Variants in PTPRO observed in about 807,000 individuals in gnomAD.
PTPRO encodes the protein receptor-type tyrosine-protein phosphatase O.
PTPRO carries 62 observed loss-of-function variants against 145.2 expected under a neutral mutation model. That is an observed-to-expected ratio of 0.43 (90% CI 0.35 to 0.53). The LOEUF (loss-of-function observed/expected upper bound fraction) is 0.53, where lower values mean the gene tolerates loss of function less well. PTPRO is among the 20% of genes least tolerant of loss of function. The pLI is 0.01. For missense variants in PTPRO, 1,345 were observed against 1,482.7 expected (o/e 0.91, Z 1.53); for synonymous variants, 565 against 514.7 (o/e 1.10, Z -1.32).
chr12:15,456,889 T>C (rs1488695292), intron 1 of PTPRO, among the ~76,000 whole-genome samples: 1 of 152,208 alleles, frequency 6.6e-6, no homozygotes. Flanking sequence ...AATATCTTGT[T>C]AATCTTATCT....
intron 19 of PTPRO, among the ~76,000 whole-genome samples, chr12:15,575,825 G>A (rs991024564): frequency 6.6e-6 from 1 of 152,180 alleles, no homozygotes; most frequent in Admixed American, 6.5e-5. Flanking sequence ...TTCAGCTTCT[G>A]TTGGCCACAG....
At chr12:15,379,004 C>T (rs2136271646) in intron 1 of PTPRO, among the ~76,000 whole-genome samples, 1 of 152,114 alleles carries the variant, frequency 6.6e-6, no homozygotes, top group East Asian at 1.9e-4. Context: ...CTGGGGACAG[C>T]TATGATAAAG....
At chr12:15,338,250 T>C (rs1179122312) in intron 1 of PTPRO, among the ~76,000 whole-genome samples, 1 of 152,218 alleles carries the variant, frequency 6.6e-6, no homozygotes, top group Admixed American at 6.5e-5. Context: ...TTTTAAAAAC[T>C]TTATTAGGTT....
At chr12:15,583,603 C>G (rs748751567) in intron 23 of PTPRO, among the ~76,000 whole-genome samples, 1 of 152,114 alleles carries the variant, frequency 6.6e-6, no homozygotes, top group Non-Finnish European at 1.5e-5. Flanking sequence ...TAGAACACAG[C>G]CTGCATTGTT....
chr12:15,358,166 A>G (rs1162795721), intron 1 of PTPRO, among the ~76,000 whole-genome samples: 1 of 144,446 alleles, frequency 6.9e-6, no homozygotes, highest in Non-Finnish European at 1.5e-5. Context: ...ATGTTCTCAT[A>G]GGTGGGAATT....
Position 15,596,504 on chromosome 12 carries a change from C to T in PTPRO, c.*431C>T, listed in dbSNP as rs989444869. The T allele has an allele frequency of 1.3e-5, 2 of 152,508 alleles. No homozygotes were observed. Among genetic ancestry groups the T allele is most frequent in the Non-Finnish European group, 2.9e-5 (2 of 68,020 alleles). The allele number at this position is 152,508 out of a possible 1,614,324, so 9.4% of individuals were successfully genotyped here. A position where few individuals can be genotyped will look rare whatever the true frequency, so the allele number is the denominator to read the frequency against. On this transcript the variant is annotated 3_prime_UTR_variant, in exon 27 of 27. Coordinates refer to ENST00000281171, the MANE Select transcript of PTPRO (RefSeq NM_030667.3). ...TACACCGTTCATCAGCCCCATAACC[C>T]AGGAAGGAACAGGCATTGTTAGCAT...
intron 1 of PTPRO, among the ~76,000 whole-genome samples, chr12:15,405,091 T>C (rs1334809069): frequency 6.6e-6 from 1 of 152,128 alleles, no homozygotes. Context: ...AAGCTCCACC[T>C]CCAAATATCA....
intron 12 of PTPRO, among the ~76,000 whole-genome samples, chr12:15,534,489 A>G (rs535238788): frequency 9.8e-5 from 15 of 152,292 alleles, no homozygotes; most frequent in African/African-American, 3.1e-4. Flanking sequence ...CTTTCTGTTC[A>G]CAAGGAGCTT....
chr12:15,516,021 C>T (rs573800060), intron 8 of PTPRO, among the ~76,000 whole-genome samples: 9 of 119,954 alleles, frequency 7.5e-5, no homozygotes, highest in East Asian at 2.7e-4. Flanking sequence ...GACAGAGTCT[C>T]GCTCTGTCAC....
At chr12:15,587,173 T>A in intron 24 of PTPRO, 122 bp downstream of exon 24, 1 of 1,099,968 alleles carries the variant, frequency 9.1e-7, no homozygotes, top group South Asian at 1.4e-5. Context: ...TGATGTTTTT[T>A]AAACTATGAT....
intron 19 of PTPRO, among the ~76,000 whole-genome samples, chr12:15,576,938 A>G (rs1944199082): frequency 6.6e-6 from 1 of 152,230 alleles, no homozygotes; most frequent in Non-Finnish European, 1.5e-5. Context: ...AGCATCATTT[A>G]AATAAACTTA....
intron 8 of PTPRO, among the ~76,000 whole-genome samples, chr12:15,516,345 AAAAAG>A (rs1251160777): frequency 2.1e-4 from 31 of 150,284 alleles, no homozygotes; most frequent in Non-Finnish European, 4.0e-4. Flanking sequence ...TCAAAAAAAA[AAAAAG>A]AAAAGAAAGA....
chr12:15,549,103 G>T lies in PTPRO; in HGVS notation c.2314G>T (p.Ala772Ser). 2 of 1,613,402 alleles carry T rather than the reference G, an allele frequency of 1.2e-6. No individual in the cohort carries two copies. The highest frequency in any genetic ancestry group is 2.2e-5 in the South Asian group (2 of 91,034). Residue 772 changes from alanine (A) to serine (S), a missense_variant, in exon 14 of 27, where the codon GCT (alanine) becomes TCT (serine). By Grantham distance (99) the Ala-to-Ser change is moderately conservative (BLOSUM62 1). Around this residue, in one of 3 missense-constraint regions of PTPRO, gnomAD observed 1,130 missense variants for 1,214.7 expected, o/e 0.93. Coordinates refer to ENST00000281171, the MANE Select transcript of PTPRO (RefSeq NM_030667.3). ...SQKTKLQEPV[A>S]VSSHVVTISS... The stretch of plus-strand genomic sequence containing the variant: ...TTTTCTGAAACCCCAGGAACCAGTT[G>T]CTGTTTCTTCCCATGTCGTGACCAT...
At chr12:15,439,828 C>T in intron 1 of PTPRO, 1 of 616,494 alleles carries the variant, frequency 1.6e-6, no homozygotes, top group South Asian at 1.6e-5. Context: ...GGGCCTCTCT[C>T]AAGAACAAGG....
chr12:15,544,762 G>C (rs886614496), intron 12 of PTPRO, among the ~76,000 whole-genome samples: 1 of 152,124 alleles, frequency 6.6e-6, no homozygotes, highest in African/African-American at 2.4e-5. Flanking sequence ...AATCCTATTA[G>C]CAAAGGCAGT....
At chr12:15,352,056 C>G (rs1387441142) in intron 1 of PTPRO, among the ~76,000 whole-genome samples, 1 of 152,174 alleles carries the variant, frequency 6.6e-6, no homozygotes, top group African/African-American at 2.4e-5. Flanking sequence ...GGAGGACCCT[C>G]TTTGTGGATG....
At chr12:15,413,121 C>T (rs778924049) in intron 1 of PTPRO, among the ~76,000 whole-genome samples, 1 of 152,044 alleles carries the variant, frequency 6.6e-6, no homozygotes, top group African/African-American at 2.4e-5. Flanking sequence ...GACAGGGTCT[C>T]GCTCTGTCAC....
chr12:15,385,053 TAA>T (rs1242493673), intron 1 of PTPRO, among the ~76,000 whole-genome samples: 2 of 152,228 alleles, frequency 1.3e-5, no homozygotes, highest in African/African-American at 2.4e-5. Flanking sequence ...TTAAATTGAA[TAA>T]GTTAGATTAA....
intron 1 of PTPRO, among the ~76,000 whole-genome samples, chr12:15,482,595 T>G (rs1238215296): frequency 6.6e-6 from 1 of 152,138 alleles, no homozygotes; most frequent in Non-Finnish European, 1.5e-5. Context: ...GATTTGCTCA[T>G]TACACAATGT....
Sources: gnomAD v4.1 joint callset for allele counts (sites outside exome capture counted in the v4.1 genomes callset) on GRCh38, gnomAD v4.1.1 for gene constraint, gnomAD v4.1.1 regional missense constraint, MANE v1.5 for transcripts, NCBI Gene and HGNC (gene_info 2026-07-23, HGNC 2026-07-21) for gene names.